LMOD1: variants seen among roughly 807,000 people sequenced by gnomAD.
LMOD1 encodes the protein leiomodin 1, also known as leiomodin-1.
LMOD1 carries 8 observed loss-of-function variants against 36.5 expected under a neutral mutation model. The ratio of observed to expected loss-of-function variants is 0.22; its 90% CI spans 0.13 to 0.40. The LOEUF (loss-of-function observed/expected upper bound fraction) is 0.40, where lower values mean the gene tolerates loss of function less well. Among genes scored for constraint, LMOD1 ranks in the 10% least tolerant of loss-of-function variants. The probability of loss-of-function intolerance (pLI) is 1.00; values close to 1 mark genes in which losing one functional copy is unlikely to be tolerated. For missense variants in LMOD1, 630 were observed against 751.1 expected, an observed-to-expected ratio of 0.84 and a Z score of 1.88; for synonymous variants, 284 against 288.7, an observed-to-expected ratio of 0.98 and a Z score of 0.17.
intron 1 of LMOD1, among the ~76,000 whole-genome samples, chr1:201,943,374 G>A (rs983246028): frequency 3.9e-5 from 6 of 152,256 alleles, no homozygotes; most frequent in African/African-American, 1.4e-4. Flanking sequence ...GCATGTAGAA[G>A]TTTCTTAGTA....
At chr1:201,911,914 A>G (rs144109604) in intron 1 of LMOD1, among the ~76,000 whole-genome samples, 10 of 152,356 alleles carry the variant, frequency 6.6e-5, no homozygotes, top group Non-Finnish European at 1.2e-4. Flanking sequence ...AACCCGAAGA[A>G]TACATGAATG....
chr1:201,917,266 C>G (rs1681627691), intron 1 of LMOD1, among the ~76,000 whole-genome samples: 1 of 152,128 alleles, frequency 6.6e-6, no homozygotes, highest in Non-Finnish European at 1.5e-5. Context: ...CTGCCAAGAG[C>G]CATCAAGAGG....
Position 201,896,912 on chromosome 1 carries a change from T to C in LMOD1, c.*1460A>G, listed in dbSNP as rs777840543. The C allele has an allele frequency of 2.8e-6, 1 of 354,388 alleles. No individual in the cohort carries two copies. The highest frequency in any genetic ancestry group is 2.1e-5 in the South Asian group (1 of 48,202). The allele number at this position is 354,388 out of a possible 1,614,324, so 22.0% of individuals were successfully genotyped here. A position where few individuals can be genotyped will look rare whatever the true frequency, so the allele number is the denominator to read the frequency against. On this transcript the variant is annotated 3_prime_UTR_variant, in exon 3 of 3. Transcript: ENST00000367288. ...GGGCACCCCACCCTCACCTCAAAGA[T>C]GGTGAAACTGCTGTGCCTCCTGCTG... is the stretch of plus-strand genomic sequence containing the variant.
Position 201,904,408 on chromosome 1 carries a change from C to G in LMOD1, c.262-3657G>C, listed in dbSNP as rs1325094572. ...TATTTTTGGTAGAGACGGGGTTTCT[C>G]CATGTTGGTCAGGCTGGTCCCGAAC... On this transcript the variant is annotated intron_variant, in intron 1 of 2. Transcript: ENST00000367288. Among the ~76,000 whole-genome samples, 7 of 152,156 alleles carry G rather than the reference C, an allele frequency of 4.6e-5. No individual in the cohort carries two copies. In the East Asian group the frequency reaches 1.3e-3, roughly 29 times the overall value.
chr1:201,912,165 A>G (rs1406043771), intron 1 of LMOD1, among the ~76,000 whole-genome samples: 2 of 152,200 alleles, frequency 1.3e-5, no homozygotes, highest in Non-Finnish European at 2.9e-5. Flanking sequence ...GAAGTTTGGT[A>G]AATGGATGGA....
At chr1:201,942,840 G>T (rs181910227) in intron 1 of LMOD1, among the ~76,000 whole-genome samples, 1 of 151,986 alleles carries the variant, frequency 6.6e-6, no homozygotes, top group East Asian at 1.9e-4. Context: ...TTATTTTAAG[G>T]CTAATTCCCA....
At chr1:201,946,015 C>G (rs1461430190) in intron 1 of LMOD1, 65 bp downstream of exon 1, 18 of 1,519,068 alleles carry the variant, frequency 1.2e-5, no homozygotes, top group Non-Finnish European at 1.6e-5. Flanking sequence ...GCATCCTAAT[C>G]ATGAAGCCAG....
intron 1 of LMOD1, among the ~76,000 whole-genome samples, chr1:201,919,227 TTG>T (rs1491247542): frequency 6.6e-6 from 1 of 151,106 alleles, no homozygotes; most frequent in African/African-American, 2.4e-5. Context: ...TTTTTTTTTT[TTG>T]GGGGGTCAGA....
In LMOD1 at chr1:201,900,361, C is replaced by T. The variant is rs201914114; in HGVS notation, c.652G>A (p.Glu218Lys). ...TCCCCTTTTACCTTCTCATCATCCT[C>T]TTTCTTGGCCACCTCCTTCATCTCC... ...REEMKEVAKKEDDEKVKGERR... is the reference protein window; with the variant it reads ...REEMKEVAKKKDDEKVKGERR... Residue 218 changes from glutamate (E) to lysine (K), a missense_variant, in exon 2 of 3, where the codon GAG becomes AAG. Coordinates refer to ENST00000367288, the MANE Select transcript of LMOD1 (RefSeq NM_012134.3). 4 of 1,566,574 alleles carry T rather than the reference C, an allele frequency of 2.6e-6. No homozygotes were observed. The highest frequency in any genetic ancestry group is 1.2e-5 in the South Asian group (1 of 86,186).
chr1:201,899,330 C>A lies in LMOD1; in HGVS notation c.1683G>T (p.Lys561Asn). The A allele has an allele frequency of 6.2e-7, 1 of 1,611,126 alleles. No individual in the cohort carries two copies. Among genetic ancestry groups the A allele is most frequent in the Non-Finnish European group, 8.5e-7 (1 of 1,178,780 alleles). ...KNSLSPATQRKMGDKVLPAQE... is the reference protein window; with the variant it reads ...KNSLSPATQRNMGDKVLPAQE... ...GGGCAGGGAGGACTTTGTCTCCCAT[C>A]TTCCTCTGGGTAGCTGGTGAGAGTG... The change falls in exon 2 of 3, where the codon AAG becomes AAT. Residue 561 changes from lysine (K) to asparagine (N), a missense_variant. Around this residue, in one of 3 missense-constraint regions of LMOD1, gnomAD observed 144 missense variants for 169.8 expected, o/e 0.85. Transcript: ENST00000367288. The surrounding 1 kb of genome is among the most constrained non-coding windows in gnomAD (Gnocchi z 6.3).
At chr1:201,905,625 C>T (rs1681399035) in intron 1 of LMOD1, among the ~76,000 whole-genome samples, 1 of 152,230 alleles carries the variant, frequency 6.6e-6, no homozygotes, top group South Asian at 2.1e-4. Flanking sequence ...ACCTTGCCAG[C>T]CCACACCGTC....
intron 1 of LMOD1, among the ~76,000 whole-genome samples, chr1:201,919,994 G>T (rs1478774625): frequency 6.9e-6 from 1 of 144,626 alleles, no homozygotes; most frequent in Non-Finnish European, 1.5e-5. Flanking sequence ...TCAAAGAGTA[G>T]AAGGAATATA....
At chr1:201,913,149 G>C (rs2644120) in intron 1 of LMOD1, among the ~76,000 whole-genome samples, 77,656 of 151,948 alleles carry the variant, frequency 0.51, 20,275 homozygotes, top group Non-Finnish European at 0.54. Flanking sequence ...CCATTTTATT[G>C]TCCATCTTCA....
At chr1:201,915,069 A>G (rs564677118) in intron 1 of LMOD1, among the ~76,000 whole-genome samples, 1 of 152,274 alleles carries the variant, frequency 6.6e-6, no homozygotes, top group East Asian at 1.9e-4. Context: ...CCTGTCACTA[A>G]GTCGGATTTA....
chr1:201,924,140 C>T (rs1681757408), intron 1 of LMOD1, among the ~76,000 whole-genome samples: 2 of 150,634 alleles, frequency 1.3e-5, no homozygotes, highest in East Asian at 2.0e-4. Context: ...CACGGTGAAA[C>T]CCCATCTCTA....
chr1:201,909,397 ATTTC>A (rs1379838152), intron 1 of LMOD1, among the ~76,000 whole-genome samples: 1 of 152,042 alleles, frequency 6.6e-6, no homozygotes, highest in Non-Finnish European at 1.5e-5. Flanking sequence ...TTGAGCCCAT[ATTTC>A]TTTCTTTGTT....
intron 1 of LMOD1, among the ~76,000 whole-genome samples, chr1:201,914,473 TC>T (rs541480147): frequency 1.1e-3 from 174 of 152,246 alleles, no homozygotes; most frequent in African/African-American, 4.1e-3. Flanking sequence ...CACATCCACT[TC>T]CTGTGGCTGC....
At chr1:201,918,929 G>GTC (rs1409834071) in intron 1 of LMOD1, among the ~76,000 whole-genome samples, 9 of 152,160 alleles carry the variant, frequency 5.9e-5, no homozygotes, top group African/African-American at 1.7e-4. Context: ...GTCTCACTCT[G>GTC]TCACCCAGGC....
intron 1 of LMOD1, among the ~76,000 whole-genome samples, chr1:201,945,001 AAGC>A (rs975735007): frequency 2.6e-5 from 4 of 152,212 alleles, no homozygotes; most frequent in Non-Finnish European, 5.9e-5. Flanking sequence ...GTAAAACAAA[AAGC>A]AAGAATTGAG....
Sources: gnomAD v4.1 joint callset for allele counts (sites outside exome capture counted in the v4.1 genomes callset) on GRCh38, gnomAD v4.1.1 for gene constraint, gnomAD v4.1.1 regional missense constraint, Gnocchi (gnomAD v3.1) non-coding constraint, MANE v1.5 for transcripts, NCBI Gene and HGNC (gene_info 2026-07-23, HGNC 2026-07-21) for gene names.